Variants in ANKHD1 observed in about 807,000 individuals in gnomAD.
ANKHD1 encodes the protein ankyrin repeat and KH domain-containing protein 1.
ANKHD1 carries 31 observed loss-of-function variants against 230.5 expected under a neutral mutation model. The ratio of observed to expected loss-of-function variants is 0.13; its 90% CI spans 0.10 to 0.18. ANKHD1 has a LOEUF of 0.18. ANKHD1 is among the 10% of genes least tolerant of loss of function. The pLI, the probability that ANKHD1 is intolerant of heterozygous loss-of-function variation, is 1.00. For missense variants in ANKHD1, 2,256 were observed against 3,071.3 expected (o/e 0.73, Z 6.27); for synonymous variants, 1,074 against 1,117.6 (o/e 0.96, Z 0.78).
intron 10 of ANKHD1, among the ~76,000 whole-genome samples, chr5:140,467,065 A>G (rs1001706611): frequency 4.6e-5 from 7 of 152,178 alleles, no homozygotes; most frequent in Non-Finnish European, 8.8e-5. Flanking sequence ...ACATGAAATT[A>G]TAGACACAAT....
At chr5:140,403,731 T>G (rs149237982) in intron 1 of ANKHD1, among the ~76,000 whole-genome samples, 2 of 152,322 alleles carry the variant, frequency 1.3e-5, no homozygotes, top group Non-Finnish European at 2.9e-5. Flanking sequence ...TTGTTTTAAG[T>G]GCTCAGAGTA....
intron 15 of ANKHD1, among the ~76,000 whole-genome samples, chr5:140,503,536 T>A (rs1044880617): frequency 1.3e-5 from 2 of 149,544 alleles, no homozygotes; most frequent in Non-Finnish European, 3.0e-5. Context: ...ATAATTTCTT[T>A]TAACTCAGTT....
At chr5:140,465,496 A>T (rs1776020991) in intron 10 of ANKHD1, among the ~76,000 whole-genome samples, 1 of 152,280 alleles carries the variant, frequency 6.6e-6, no homozygotes, top group East Asian at 1.9e-4. Context: ...AGTGCTTTAA[A>T]CTGCTTCCTA....
At chr5:140,534,980 T>C (rs1385812143) in intron 29 of ANKHD1, among the ~76,000 whole-genome samples, 2 of 152,232 alleles carry the variant, frequency 1.3e-5, no homozygotes, top group Non-Finnish European at 2.9e-5. Context: ...GTACTTTGAC[T>C]ACAAAAGGGA....
intron 33 of ANKHD1, 118 bp downstream of exon 33, chr5:140,539,201 C>G: frequency 6.6e-7 from 1 of 1,512,180 alleles, no homozygotes; most frequent in Non-Finnish European, 8.8e-7. Context: ...ATCTGGATTG[C>G]TTTTTCAATA....
intron 1 of ANKHD1, among the ~76,000 whole-genome samples, chr5:140,406,229 C>A (rs1199103738): frequency 6.7e-6 from 1 of 149,272 alleles, no homozygotes; most frequent in African/African-American, 2.5e-5. Context: ...CAGAGAGAGA[C>A]TCTGTCTCAA....
At chr5:140,452,953 G>A (rs1313593960) in intron 7 of ANKHD1, among the ~76,000 whole-genome samples, 2 of 152,208 alleles carry the variant, frequency 1.3e-5, no homozygotes, top group African/African-American at 4.8e-5. Flanking sequence ...CCAACACAAA[G>A]AAGCTAAAAA....
chr5:140,430,541 A>G (rs752279754), intron 1 of ANKHD1, among the ~76,000 whole-genome samples: 1 of 152,154 alleles, frequency 6.6e-6, no homozygotes, highest in Non-Finnish European at 1.5e-5. Context: ...TCTGTTATAT[A>G]TAGACATGGT....
Position 140,486,982 on chromosome 5 carries a change from C to T in ANKHD1, c.2167C>T (p.Leu723Phe), listed in dbSNP as rs745531758. ...SQVPRVPTHT[L>F]AMVVPPQEPD... ...GGTGCCACGTGTGCCAACGCATACA[C>T]TTGCCATGGTTGTACCTCCCCAGGA... Residue 723 changes from leucine to phenylalanine, a missense_variant, in exon 14 of 34, where the codon CTT becomes TTT. Physicochemically the swap from Leu to Phe is conservative, Grantham distance 22. Around this residue, in one of 13 missense-constraint regions of ANKHD1, gnomAD observed 358 missense variants for 397.7 expected, o/e 0.90. Transcript: ENST00000360839. 14 of 1,613,416 alleles carry T rather than the reference C, an allele frequency of 8.7e-6. No homozygotes were observed. The East Asian group carries it at 1.3e-4, about 15-fold the overall frequency.
intron 8 of ANKHD1, 124 bp downstream of exon 8, chr5:140,458,986 A>ATATATATG (rs1775478124): frequency 2.4e-4 from 5 of 20,418 alleles, no homozygotes; most frequent in Non-Finnish European, 4.2e-4. Context: ...ATATGCATAT[A>ATATATATG]TATATATATG....
chr5:140,423,121 G>T (rs1772133041), intron 1 of ANKHD1, among the ~76,000 whole-genome samples: 1 of 152,028 alleles, frequency 6.6e-6, no homozygotes, highest in African/African-American at 2.4e-5. Context: ...TAGTTTGGAA[G>T]TTCTGGCCTT....
At chr5:140,421,591 G>T (rs1196751347) in intron 1 of ANKHD1, among the ~76,000 whole-genome samples, 1 of 152,212 alleles carries the variant, frequency 6.6e-6, no homozygotes, top group East Asian at 1.9e-4. Context: ...TTGAGCCACC[G>T]TGCCCGGCCG....
At chr5:140,520,929 TAAAAA>T (rs370538341) in intron 24 of ANKHD1, among the ~76,000 whole-genome samples, 1 of 112,848 alleles carries the variant, frequency 8.9e-6, no homozygotes, top group Non-Finnish European at 1.9e-5. Context: ...TAAAGTATAA[TAAAAA>T]AAAAAAAAAA....
chr5:140,533,470 G>A (rs1209440274), intron 29 of ANKHD1, among the ~76,000 whole-genome samples: 2 of 152,022 alleles, frequency 1.3e-5, no homozygotes, highest in African/African-American at 4.8e-5. Flanking sequence ...GTGGTCGCAG[G>A]CACCTGTGGT....
intron 20 of ANKHD1, among the ~76,000 whole-genome samples, chr5:140,508,304 G>A (rs1262340382): frequency 6.6e-6 from 1 of 152,132 alleles, no homozygotes; most frequent in Admixed American, 6.5e-5. Flanking sequence ...TTACACTGTA[G>A]ACTTTTAAAG....
At chr5:140,520,611 G>C (rs1293721142) in intron 24 of ANKHD1, among the ~76,000 whole-genome samples, 4 of 151,994 alleles carry the variant, frequency 2.6e-5, no homozygotes. Context: ...AAAAAATGAT[G>C]AGTTCATGTC....
intron 15 of ANKHD1, among the ~76,000 whole-genome samples, chr5:140,499,017 A>T (rs899529044): frequency 6.6e-6 from 1 of 152,046 alleles, no homozygotes; most frequent in African/African-American, 2.4e-5. Context: ...ATTAATATAA[A>T]CAAAATTTAA....
At chr5:140,514,489 A>C (rs1481342466) in intron 24 of ANKHD1, among the ~76,000 whole-genome samples, 6 of 151,886 alleles carry the variant, frequency 4.0e-5, no homozygotes, top group African/African-American at 1.2e-4. Flanking sequence ...GTGAGACCCC[A>C]TCTCAGACAA....
chr5:140,456,692 A>G (rs1775220722), intron 7 of ANKHD1, among the ~76,000 whole-genome samples: 1 of 152,224 alleles, frequency 6.6e-6, no homozygotes, highest in Non-Finnish European at 1.5e-5. Flanking sequence ...CCTTCCTTAC[A>G]CTTTATAGAA....
Sources: allele counts gnomAD v4.1 joint callset (sites outside exome capture counted in the v4.1 genomes callset), GRCh38; gene constraint gnomAD v4.1.1; regional missense constraint gnomAD v4.1.1; transcripts MANE v1.5; gene names NCBI Gene and HGNC (gene_info 2026-07-23, HGNC 2026-07-21).